Variants in SLC7A7 observed in about 807,000 individuals in gnomAD.
SLC7A7 encodes the protein Y+L amino acid transporter 1.
A neutral mutation model predicts 47.9 loss-of-function variants in SLC7A7; 39 were observed. The observed-to-expected ratio is 0.81, with a 90% CI of 0.63 to 1.06. SLC7A7 has a LOEUF of 1.06. Among genes scored for constraint, SLC7A7 ranks in the 50% least tolerant of loss-of-function variants. SLC7A7 has a pLI of 0.00. For synonymous variants in SLC7A7, 234 were observed against 242.8 expected, an observed-to-expected ratio of 0.96 and a Z score of 0.34; for missense variants, 588 against 632.0, an observed-to-expected ratio of 0.93 and a Z score of 0.75.
chr14:22,786,238 A>C (rs1044942540), intron 2 of SLC7A7, among the ~76,000 whole-genome samples: 5 of 151,990 alleles, frequency 3.3e-5, no homozygotes, highest in Admixed American at 2.0e-4. Flanking sequence ...GAATTGCTTG[A>C]ACCCGGGAGG....
intron 2 of SLC7A7, among the ~76,000 whole-genome samples, chr14:22,803,018 G>A (rs1413791193): frequency 1.3e-5 from 2 of 152,082 alleles, no homozygotes; most frequent in Non-Finnish European, 2.9e-5. Context: ...ACCAGGCACT[G>A]TTCTATGTGC....
At chr14:22,783,968 C>A (rs528991449) in intron 2 of SLC7A7, among the ~76,000 whole-genome samples, 2 of 152,294 alleles carry the variant, frequency 1.3e-5, no homozygotes, top group Admixed American at 6.5e-5. Flanking sequence ...ACTGTGGGAG[C>A]AGGAAATGGG....
intron 2 of SLC7A7, among the ~76,000 whole-genome samples, chr14:22,796,302 G>C (rs1016665505): frequency 6.6e-6 from 1 of 152,156 alleles, no homozygotes; most frequent in African/African-American, 2.4e-5. Flanking sequence ...AAAGCTCTCA[G>C]ACACACAGAG....
intron 2 of SLC7A7, among the ~76,000 whole-genome samples, chr14:22,786,488 T>C (rs2038819800): frequency 6.6e-6 from 1 of 152,236 alleles, no homozygotes; most frequent in Non-Finnish European, 1.5e-5. Context: ...ACTGTGTCAG[T>C]ATTTCCCCAG....
rs560907609 is a variant in SLC7A7, at chr14:22,815,016, A to G, written c.-43+304T>C. 9.4e-4 allele frequency: 249 copies of G among 266,132 alleles called. 1 individual carries two copies. Among genetic ancestry groups the G allele is most frequent in the Middle Eastern group, 2.9e-3 (2 of 696 alleles). The allele number at this position is 266,132 out of a possible 1,614,324, so 16.5% of individuals were successfully genotyped here. A position where few individuals can be genotyped will look rare whatever the true frequency, so the allele number is the denominator to read the frequency against. ...AAAAAGTATGAATGAGAGAAGGGCG[A>G]TCCAATGTACCATAAAACCTAGGGA... On this transcript the variant is annotated intron_variant, in intron 1 of 9. Transcript: ENST00000674313.
chr14:22,775,530 CAAAGA>C lies in SLC7A7; in HGVS notation c.1004_1008del (p.Phe335CysfsTer10). On this transcript the variant is annotated frameshift_variant, in exon 7 of 10. Coordinates refer to ENST00000674313, the MANE Select transcript of SLC7A7 (RefSeq NM_003982.4). LOFTEE classifies it high-confidence loss of function. ...GGGAGATGGCCTTCTCTTGAGCCCA[CAAAGA>C]AAAGCCTATGTTAGGTAAGATAGGA... 1.2e-6 allele frequency: 2 copies of C among 1,614,152 alleles called. No individual in the cohort carries two copies. The highest frequency in any genetic ancestry group is 1.7e-6 in the Non-Finnish European group (2 of 1,180,014).
chr14:22,786,991 A>G (rs1206176224), intron 2 of SLC7A7, among the ~76,000 whole-genome samples: 1 of 152,198 alleles, frequency 6.6e-6, no homozygotes, highest in Non-Finnish European at 1.5e-5. Flanking sequence ...ATTTAGTCTT[A>G]GTGACTTTCC....
rs1217478854 is a variant in SLC7A7 at position 22,774,377 on chromosome 14, G to T, written c.1222C>A (p.Pro408Thr). The change falls in exon 8 of 10, where the codon CCT becomes ACT. Residue 408 changes from proline to threonine, a missense_variant. By Grantham distance (38) the Pro-to-Thr change is conservative. Coordinates refer to ENST00000674313, the MANE Select transcript of SLC7A7 (RefSeq NM_003982.4). ...ACCTTGAGGGGACGAGGTCGATCAG[G>T]CTCCTTCCAGCGCAGATAAAGCTGA... is the stretch of plus-strand genomic sequence containing the variant. ...VGQLYLRWKE[P>T]DRPRPLKLSV... The T allele has an allele frequency of 1.2e-6, 2 of 1,614,132 alleles. No homozygotes were observed.
At chr14:22,795,442 CTTTTCTATTCT>C (rs1279800152) in intron 2 of SLC7A7, among the ~76,000 whole-genome samples, 13,394 of 75,960 alleles carry the variant, frequency 0.18, 1,315 homozygotes, top group Middle Eastern at 0.25. Context: ...TTCTTTCTTT[CTTTTCTATTCT>C]TTTCTTTTCT....
At chr14:22,784,140 G>A (rs536241680) in intron 2 of SLC7A7, among the ~76,000 whole-genome samples, 1 of 152,310 alleles carries the variant, frequency 6.6e-6, no homozygotes, top group African/African-American at 2.4e-5. Flanking sequence ...AGGATAATAT[G>A]GAGGCAACTG....
intron 2 of SLC7A7, among the ~76,000 whole-genome samples, chr14:22,798,700 G>A (rs561007684): frequency 4.6e-5 from 7 of 152,146 alleles, no homozygotes; most frequent in African/African-American, 1.4e-4. Flanking sequence ...ATTCCTTCCC[G>A]TTCCTGGGTC....
chr14:22,799,132 A>G (rs2039066409), intron 2 of SLC7A7, among the ~76,000 whole-genome samples: 1 of 152,192 alleles, frequency 6.6e-6, no homozygotes, highest in African/African-American at 2.4e-5. Context: ...GAAAGCCCAC[A>G]TGAAAAGCCA....
At chr14:22,798,864 G>A (rs1313673322) in intron 2 of SLC7A7, among the ~76,000 whole-genome samples, 1 of 152,022 alleles carries the variant, frequency 6.6e-6, no homozygotes, top group African/African-American at 2.4e-5. Context: ...GTGTAAACCT[G>A]CCACCTCTGG....
rs386833795 is a variant in SLC7A7, at chr14:22,775,526, C to T, written c.1013G>A (p.Gly338Asp). Reference sequence around the variant, plus strand: ...ATCAGGGAGATGGCCTTCTCTTGAGCCCACAAAGAAAAGCCTATGTTAGGT... The same window carrying T: ...ATCAGGGAGATGGCCTTCTCTTGAGTCCACAAAGAAAAGCCTATGTTAGGT... ...IVAASRLFFV[G>D]SREGHLPDAI... The change falls in exon 7 of 10, where the codon GGC becomes GAC. Residue 338 changes from glycine (G) to aspartate (D), a missense_variant. Coordinates refer to ENST00000674313, the MANE Select transcript of SLC7A7 (RefSeq NM_003982.4). 6.2e-7 allele frequency: 1 copy of T among 1,614,056 alleles called. No individual in the cohort carries two copies. Among genetic ancestry groups the T allele is most frequent in the Non-Finnish European group, 8.5e-7 (1 of 1,179,948 alleles).
chr14:22,779,069 G>A, intron 3 of SLC7A7, 132 bp from the exon 4 acceptor site: 1 of 1,072,256 alleles, frequency 9.3e-7, no homozygotes, highest in Non-Finnish European at 1.4e-6. Context: ...TTGGCAGCAA[G>A]AGTACCAGTA....
intron 2 of SLC7A7, among the ~76,000 whole-genome samples, chr14:22,785,340 C>G (rs956064965): frequency 1.3e-5 from 2 of 152,178 alleles, no homozygotes; most frequent in Admixed American, 6.6e-5. Flanking sequence ...CAGCGTCTTC[C>G]TCCCAGCTTC....
At chr14:22,785,948 G>C (rs2038806797) in intron 2 of SLC7A7, among the ~76,000 whole-genome samples, 2 of 151,368 alleles carry the variant, frequency 1.3e-5, no homozygotes, top group Admixed American at 6.6e-5. Context: ...CGTGAACCCG[G>C]GAGGCGGAGC....
At chr14:22,788,735 C>A (rs115168652) in intron 2 of SLC7A7, among the ~76,000 whole-genome samples, 3,084 of 149,586 alleles carry the variant, frequency 0.021, 54 homozygotes, top group Non-Finnish European at 0.034. Flanking sequence ...GAACAATCTA[C>A]GACTACAGAC....
intron 2 of SLC7A7, among the ~76,000 whole-genome samples, chr14:22,810,115 GT>G (rs2039281343): frequency 6.6e-6 from 1 of 150,894 alleles, no homozygotes; most frequent in Admixed American, 6.6e-5. Context: ...TAGGCACAAG[GT>G]CAGAATCGAG....
Sources: allele counts gnomAD v4.1 joint callset (sites outside exome capture counted in the v4.1 genomes callset), GRCh38; gene constraint gnomAD v4.1.1; transcripts MANE v1.5; gene names NCBI Gene and HGNC (gene_info 2026-07-23, HGNC 2026-07-21).